Variants in GPC5 observed in about 807,000 individuals in gnomAD.
GPC5 encodes the protein glypican-5.
Under a neutral mutation model 53.9 loss-of-function variants are expected in GPC5, and 47 were observed. The ratio of observed to expected loss-of-function variants is 0.87; its 90% CI spans 0.69 to 1.11. GPC5 has a LOEUF of 1.11. GPC5 is among the 50% of genes most tolerant of loss of function. The pLI, the probability that GPC5 is intolerant of heterozygous loss-of-function variation, is 0.00. For synonymous variants in GPC5, 286 were observed against 263.3 expected (o/e 1.09, Z -0.84); for missense variants, 748 against 713.1 (o/e 1.05, Z -0.56).
chr13:92,489,567 G>T (rs1463115480), intron 7 of GPC5, among the ~76,000 whole-genome samples: 1 of 152,078 alleles, frequency 6.6e-6, no homozygotes. Flanking sequence ...GATAACTGAA[G>T]GAAGTGAGAG....
intron 7 of GPC5, among the ~76,000 whole-genome samples, chr13:92,617,719 T>G (rs570730483): frequency 6.6e-6 from 1 of 152,350 alleles, no homozygotes; most frequent in East Asian, 1.9e-4. Flanking sequence ...GGAAATTTTA[T>G]AAATTGCAAT....
At chr13:92,362,484 T>G (rs1004561234) in intron 7 of GPC5, among the ~76,000 whole-genome samples, 9 of 151,844 alleles carry the variant, frequency 5.9e-5, no homozygotes, top group Non-Finnish European at 1.3e-4. Context: ...TTTGAAAAAC[T>G]ATGGCAAGAT....
chr13:92,613,467 T>TTATATAATTTATATATAAATATGTAA (rs1884550495), intron 7 of GPC5, among the ~76,000 whole-genome samples: 1 of 95,072 alleles, frequency 1.1e-5, no homozygotes, highest in Non-Finnish European at 1.8e-5. Flanking sequence ...TAAATATGTA[T>TTATATAATTTATATATAAATATGTAA]TATATAATTT....
chr13:91,413,747 T>C (rs949935441), intron 1 of GPC5, among the ~76,000 whole-genome samples: 4 of 152,184 alleles, frequency 2.6e-5, no homozygotes, highest in African/African-American at 9.6e-5. Flanking sequence ...CTGATGTAGC[T>C]TCTCAGACCC....
At chr13:91,511,271 G>A (rs1184005073) in intron 2 of GPC5, among the ~76,000 whole-genome samples, 7 of 151,760 alleles carry the variant, frequency 4.6e-5, no homozygotes, top group Admixed American at 4.6e-4. Context: ...TTCCCTATAT[G>A]GAATGCATTC....
intron 5 of GPC5, among the ~76,000 whole-genome samples, chr13:91,886,297 A>G (rs2138959671): frequency 6.6e-6 from 1 of 152,270 alleles, no homozygotes; most frequent in South Asian, 2.1e-4. Flanking sequence ...CAGCATAGGG[A>G]AAAACCCATC....
intron 6 of GPC5, among the ~76,000 whole-genome samples, chr13:91,973,265 C>T (rs1183563980): frequency 6.6e-6 from 1 of 152,168 alleles, no homozygotes; most frequent in African/African-American, 2.4e-5. Flanking sequence ...TCATTGGCTC[C>T]TGAGGCTTCT....
chr13:91,875,971 T>C (rs1044999522), intron 5 of GPC5, among the ~76,000 whole-genome samples: 2 of 152,212 alleles, frequency 1.3e-5, no homozygotes, highest in African/African-American at 4.8e-5. Context: ...GGGGAGGTAA[T>C]TGAATCATTG....
chr13:92,443,853 G>A (rs968798944), intron 7 of GPC5, among the ~76,000 whole-genome samples: 3 of 152,196 alleles, frequency 2.0e-5, no homozygotes, highest in Admixed American at 6.5e-5. Context: ...CAGCACATCT[G>A]TTTCTGAGGA....
intron 2 of GPC5, among the ~76,000 whole-genome samples, chr13:91,571,844 T>A (rs1323332968): frequency 1.1e-5 from 1 of 93,700 alleles, no homozygotes; most frequent in Non-Finnish European, 2.0e-5. Context: ...TATACTTGTG[T>A]GTATATACAC....
chr13:91,502,699 A>G (rs1884709279), intron 2 of GPC5, among the ~76,000 whole-genome samples: 1 of 152,172 alleles, frequency 6.6e-6, no homozygotes, highest in Admixed American at 6.6e-5. Context: ...ACCCAGCACC[A>G]CTCACGACAG....
At chr13:92,266,007 C>A (rs1348717487) in intron 7 of GPC5, among the ~76,000 whole-genome samples, 1 of 152,152 alleles carries the variant, frequency 6.6e-6, no homozygotes, top group East Asian at 1.9e-4. Flanking sequence ...AACAAACCCA[C>A]CCCCGTAATA....
At chr13:92,049,020 C>A (rs2041006082) in intron 6 of GPC5, among the ~76,000 whole-genome samples, 1 of 151,856 alleles carries the variant, frequency 6.6e-6, no homozygotes, top group Non-Finnish European at 1.5e-5. Flanking sequence ...CTTAGCATGT[C>A]AAATTAAAAA....
At chr13:92,827,770 A>G (rs2138817386) in intron 7 of GPC5, among the ~76,000 whole-genome samples, 1 of 152,250 alleles carries the variant, frequency 6.6e-6, no homozygotes, top group South Asian at 2.1e-4. Context: ...CCTCTGTAGC[A>G]CTTACACAGA....
intron 2 of GPC5, among the ~76,000 whole-genome samples, chr13:91,520,329 C>A (rs934364096): frequency 6.6e-6 from 1 of 152,092 alleles, no homozygotes; most frequent in Non-Finnish European, 1.5e-5. Flanking sequence ...GTTTCCTGGT[C>A]CCCAGATGTG....
intron 5 of GPC5, among the ~76,000 whole-genome samples, chr13:91,877,430 G>A (rs2039216176): frequency 6.6e-6 from 1 of 152,212 alleles, no homozygotes; most frequent in Admixed American, 6.5e-5. Context: ...TTGAATCAGT[G>A]TGACCAGGAT....
intron 6 of GPC5, among the ~76,000 whole-genome samples, chr13:92,062,247 G>A (rs1167823259): frequency 8.6e-5 from 13 of 151,716 alleles, no homozygotes; most frequent in Admixed American, 5.9e-4. Flanking sequence ...GGTGATAAAG[G>A]ATAGATTTTC....
At chr13:92,507,245 C>T (rs958728766) in intron 7 of GPC5, among the ~76,000 whole-genome samples, 3 of 152,162 alleles carry the variant, frequency 2.0e-5, no homozygotes, top group African/African-American at 7.2e-5. Context: ...ATTGAGTTTG[C>T]CTCTAATCTT....
At chr13:92,627,198 T>A (rs1164837521) in intron 7 of GPC5, among the ~76,000 whole-genome samples, 1 of 152,232 alleles carries the variant, frequency 6.6e-6, no homozygotes, top group Non-Finnish European at 1.5e-5. Flanking sequence ...CTTGTCAGAC[T>A]ATTTTCCTTC....
Sources: allele counts gnomAD v4.1 joint callset (sites outside exome capture counted in the v4.1 genomes callset), GRCh38; gene constraint gnomAD v4.1.1; transcripts MANE v1.5; gene names NCBI Gene and HGNC (gene_info 2026-07-23, HGNC 2026-07-21).